The following WWOX variants were observed in gnomAD, a reference collection of about 807,000 sequenced individuals.
WWOX encodes WW domain containing oxidoreductase.
Under a neutral mutation model 46.2 loss-of-function variants are expected in WWOX, and 69 were observed. The ratio of observed to expected loss-of-function variants is 1.49; its 90% CI spans 1.23 to 1.82. The LOEUF (loss-of-function observed/expected upper bound fraction) is 1.82. WWOX is among the 40% of genes most tolerant of loss of function. WWOX has a pLI of 0.00. For missense variants in WWOX, 919 were observed against 542.6 expected (o/e 1.69, Z -6.89); for synonymous variants, 359 against 202.6 (o/e 1.77, Z -6.56).
chr16:78,617,958 CATTAT>C lies in WWOX; in HGVS notation c.1056+185212_1056+185216del, dbSNP rs1462596256. On this transcript the variant is annotated intron_variant, in intron 8 of 8. Coordinates refer to ENST00000566780, the MANE Select transcript of WWOX (RefSeq NM_016373.4). ...TGAGTGGGAAAGGACTTTTAATCTT[CATTAT>C]ATTATCATTCATATGAATAATGTTA... is the stretch of plus-strand genomic sequence containing the variant. 1.1e-4 allele frequency among the ~76,000 whole-genome samples: 17 copies of C among 152,240 alleles called. No individual in the cohort carries two copies. The East Asian group carries it at 3.3e-3, about 29-fold the overall frequency.
At chr16:78,473,235 T>C (rs1417700770) in intron 8 of WWOX, among the ~76,000 whole-genome samples, 1 of 152,178 alleles carries the variant, frequency 6.6e-6, no homozygotes, top group Non-Finnish European at 1.5e-5. Flanking sequence ...GTTCAAGCGA[T>C]TGTCCTGCCT....
chr16:78,632,819 C>T (rs1000408489), intron 8 of WWOX, among the ~76,000 whole-genome samples: 1 of 151,952 alleles, frequency 6.6e-6, no homozygotes, highest in African/African-American at 2.4e-5. Flanking sequence ...CAGCCTCCCA[C>T]AGTGCTGGGG....
chr16:79,018,133 C>A (rs1205868152), intron 8 of WWOX, among the ~76,000 whole-genome samples: 1 of 152,160 alleles, frequency 6.6e-6, no homozygotes, highest in East Asian at 1.9e-4. Context: ...GGTATCATGG[C>A]CTTCAAGAAT....
At chr16:79,166,254 C>G (rs975972634) in intron 8 of WWOX, among the ~76,000 whole-genome samples, 1 of 152,194 alleles carries the variant, frequency 6.6e-6, no homozygotes, top group African/African-American at 2.4e-5. Flanking sequence ...CCTCATTCCC[C>G]TCACTCCCAA....
chr16:78,138,639 T>C (rs4888747), intron 4 of WWOX, among the ~76,000 whole-genome samples: 99,294 of 152,088 alleles, frequency 0.65, 32,851 homozygotes, highest in East Asian at 0.76. Flanking sequence ...ATTTTTCCTT[T>C]CTGCATGGTC....
At chr16:78,419,078 A>G (rs901598688) in intron 6 of WWOX, among the ~76,000 whole-genome samples, 1 of 152,176 alleles carries the variant, frequency 6.6e-6, no homozygotes, top group Non-Finnish European at 1.5e-5. Flanking sequence ...AAATATTAAA[A>G]TGAACAGGTT....
chr16:78,354,076 C>G (rs4527030), intron 5 of WWOX, among the ~76,000 whole-genome samples: 107,286 of 152,116 alleles, frequency 0.71, 38,687 homozygotes, highest in African/African-American at 0.76. Context: ...CCTTTTAATT[C>G]CTGGATGTTT....
At position 78,131,104 on chromosome 16, in the gene WWOX, T is replaced by C. The variant is rs972296094; in HGVS notation, c.409+15950T>C. On this transcript the variant is annotated intron_variant, in intron 4 of 8. Transcript: ENST00000566780. Reference sequence around the variant, plus strand: ...GTGGTACAGTAAAAATACAGTGTTGTAATCTTATGGGACCGCCGTTGTATC... The same window carrying C: ...GTGGTACAGTAAAAATACAGTGTTGCAATCTTATGGGACCGCCGTTGTATC... Among the ~76,000 whole-genome samples, 15 of 152,234 alleles carry C rather than the reference T, an allele frequency of 9.9e-5. 1 individual carries two copies. The highest frequency in any genetic ancestry group is 3.6e-4 in the African/African-American group (15 of 41,450).
At chr16:79,192,322 T>C (rs376870802) in intron 8 of WWOX, among the ~76,000 whole-genome samples, 9 of 94,606 alleles carry the variant, frequency 9.5e-5, no homozygotes, top group East Asian at 2.9e-4. Context: ...CATTCATTCA[T>C]TCATTCATTC....
At chr16:79,193,076 C>A (rs943945951) in intron 8 of WWOX, among the ~76,000 whole-genome samples, 1 of 152,222 alleles carries the variant, frequency 6.6e-6, no homozygotes, top group Non-Finnish European at 1.5e-5. Flanking sequence ...CGATCTTTGA[C>A]CTCTGTGATC....
intron 8 of WWOX, among the ~76,000 whole-genome samples, chr16:78,493,700 C>T (rs967458640): frequency 6.6e-5 from 10 of 152,030 alleles, no homozygotes; most frequent in Non-Finnish European, 1.2e-4. Flanking sequence ...GAATACGTTA[C>T]GTAAATGGAA....
chr16:78,880,729 T>A (rs2044325355), intron 8 of WWOX, among the ~76,000 whole-genome samples: 1 of 152,188 alleles, frequency 6.6e-6, no homozygotes, highest in Non-Finnish European at 1.5e-5. Context: ...TGAGTGACTA[T>A]TTTTTGACAA....
chr16:79,181,584 C>T (rs1302116397), intron 8 of WWOX, among the ~76,000 whole-genome samples: 1 of 151,946 alleles, frequency 6.6e-6, no homozygotes, highest in Admixed American at 6.6e-5. Context: ...GCTGGAAGCA[C>T]TTCATCATAT....
intron 8 of WWOX, among the ~76,000 whole-genome samples, chr16:79,092,782 A>T (rs770326208): frequency 1.3e-5 from 2 of 152,166 alleles, no homozygotes; most frequent in African/African-American, 2.4e-5. Context: ...TGTTGAAAAC[A>T]TATTATTCTA....
chr16:78,914,837 C>G (rs766843958), intron 8 of WWOX, among the ~76,000 whole-genome samples: 2 of 147,986 alleles, frequency 1.4e-5, no homozygotes, highest in African/African-American at 5.0e-5. Context: ...CAGGATCGCG[C>G]CACTGCACTC....
chr16:78,601,782 C>G (rs892585976), intron 8 of WWOX, among the ~76,000 whole-genome samples: 1 of 152,122 alleles, frequency 6.6e-6, no homozygotes, highest in Non-Finnish European at 1.5e-5. Context: ...CAGGCTATTT[C>G]AATGATTTTC....
intron 8 of WWOX, among the ~76,000 whole-genome samples, chr16:78,998,147 G>A (rs567092980): frequency 6.6e-6 from 1 of 152,166 alleles, no homozygotes; most frequent in Non-Finnish European, 1.5e-5. Flanking sequence ...AAAGTGCTGG[G>A]ATTACAGGCA....
In WWOX at chr16:78,361,819, C is replaced by T. The variant is rs539878679; in HGVS notation, c.517-25041C>T. Among the ~76,000 whole-genome samples, 3 of 152,088 alleles carry T rather than the reference C, an allele frequency of 2.0e-5. No individual in the cohort carries two copies. The East Asian group carries it at 5.8e-4, about 29-fold the overall frequency. On this transcript the variant is annotated intron_variant, in intron 5 of 8. Transcript: ENST00000566780. Reference sequence around the variant, plus strand: ...TAGAGATGGGGTTTCACCACTTTGACCAGGCTGGTCTCAAACTCCTCTTCT... The same window carrying T: ...TAGAGATGGGGTTTCACCACTTTGATCAGGCTGGTCTCAAACTCCTCTTCT...
chr16:78,604,369 A>G (rs948709755), intron 8 of WWOX, among the ~76,000 whole-genome samples: 5 of 152,040 alleles, frequency 3.3e-5, no homozygotes, highest in African/African-American at 1.2e-4. Flanking sequence ...GTTACTGTAC[A>G]TGGGCCCTCG....
Sources: gnomAD v4.1 joint callset for allele counts (sites outside exome capture counted in the v4.1 genomes callset) on GRCh38, gnomAD v4.1.1 for gene constraint, MANE v1.5 for transcripts, NCBI Gene and HGNC (gene_info 2026-07-23, HGNC 2026-07-21) for gene names.